Variants in GRIN2A observed in about 807,000 individuals in gnomAD.
GRIN2A encodes glutamate receptor ionotropic, NMDA 2A.
A neutral mutation model predicts 113.4 loss-of-function variants in GRIN2A; 22 were observed. That is an observed-to-expected ratio of 0.19 (90% CI 0.14 to 0.28). The LOEUF (loss-of-function observed/expected upper bound fraction) is 0.28. Among genes scored for constraint, GRIN2A ranks in the 10% least tolerant of loss-of-function variants. GRIN2A has a pLI of 1.00. For synonymous variants in GRIN2A, 827 were observed against 738.4 expected, an observed-to-expected ratio of 1.12 and a Z score of -1.94; for missense variants, 1,502 against 1,887.0, an observed-to-expected ratio of 0.80 and a Z score of 3.78.
chr16:9,973,728 A>C (rs1222213324), intron 2 of GRIN2A, among the ~76,000 whole-genome samples: 1 of 152,184 alleles, frequency 6.6e-6, no homozygotes, highest in East Asian at 1.9e-4. Context: ...TCACAGACTT[A>C]AGATTAGAAA....
At chr16:9,859,206 T>C (rs75773623) in intron 4 of GRIN2A, among the ~76,000 whole-genome samples, 1,806 of 150,558 alleles carry the variant, frequency 0.012, 53 homozygotes, top group African/African-American at 0.042. Context: ...CACACACACA[T>C]CTGCCTTTGC....
chr16:10,180,458 C>T lies in GRIN2A; in HGVS notation c.-18-29G>A, dbSNP rs2050245715. 1.3e-6 allele frequency: 2 copies of T among 1,584,246 alleles called. No individual in the cohort carries two copies. Among genetic ancestry groups the T allele is most frequent in the East Asian group, 2.3e-5 (1 of 44,224 alleles). The stretch of plus-strand genomic sequence containing the variant: ...CAAGGTGAAGAGTGAGAGGCAGGGC[C>T]GCGGTGAGCAAGGCGACCAGAAGAA... On this transcript the variant is annotated intron_variant, in intron 1 of 12. Coordinates refer to ENST00000330684, the MANE Select transcript of GRIN2A (RefSeq NM_001134407.3). This position sits in a 1 kb window ranked among gnomAD's most constrained non-coding sequence, Gnocchi z 7.0.
chr16:10,005,543 G>GTCCA (rs2046391458), intron 2 of GRIN2A, among the ~76,000 whole-genome samples: 2 of 152,210 alleles, frequency 1.3e-5, no homozygotes, highest in Admixed American at 6.5e-5. Context: ...GGTAAACTGG[G>GTCCA]GGGGTCCACG....
At chr16:10,048,686 G>A (rs1000560455) in intron 2 of GRIN2A, among the ~76,000 whole-genome samples, 10 of 152,252 alleles carry the variant, frequency 6.6e-5, no homozygotes, top group Non-Finnish European at 1.2e-4. Flanking sequence ...AGCATTCCTC[G>A]GGCTGTTGAA....
intron 10 of GRIN2A, among the ~76,000 whole-genome samples, chr16:9,803,537 G>A (rs890136253): frequency 6.6e-6 from 1 of 152,182 alleles, no homozygotes; most frequent in Non-Finnish European, 1.5e-5. Context: ...ACAAATGCTC[G>A]AAACACATAA....
At chr16:10,088,543 T>C (rs538396528) in intron 2 of GRIN2A, among the ~76,000 whole-genome samples, 31 of 152,356 alleles carry the variant, frequency 2.0e-4, no homozygotes, top group African/African-American at 7.0e-4. Context: ...CGTCTGATCC[T>C]GGGGCCGCGG....
intron 2 of GRIN2A, among the ~76,000 whole-genome samples, chr16:10,116,339 G>A (rs995667161): frequency 6.6e-6 from 1 of 152,196 alleles, no homozygotes; most frequent in Non-Finnish European, 1.5e-5. Context: ...GAGAGCATCA[G>A]GATAAATAGC....
intron 2 of GRIN2A, among the ~76,000 whole-genome samples, chr16:10,164,130 G>A (rs991563233): frequency 3.3e-5 from 5 of 152,166 alleles, no homozygotes; most frequent in African/African-American, 1.2e-4. Context: ...GTGCATGATG[G>A]CTCTCTCCGG....
Position 9,802,664 on chromosome 16 carries a change from G to A in GRIN2A, c.2169-4200C>T, listed in dbSNP as rs147313071. Among the ~76,000 whole-genome samples, 62 of 152,198 alleles carry A rather than the reference G, an allele frequency of 4.1e-4. 1 individual carries two copies. The highest frequency in any genetic ancestry group is 1.3e-3 in the African/African-American group (54 of 41,506). ...GTTCAGAAAGCCTAAGGCAGCCTGG[G>A]GCTTGTTGGTGATATTTCCAGACTT... On this transcript the variant is annotated intron_variant, in intron 10 of 12. Coordinates refer to ENST00000330684, the MANE Select transcript of GRIN2A (RefSeq NM_001134407.3).
At chr16:10,162,759 C>G (rs1274510511) in intron 2 of GRIN2A, among the ~76,000 whole-genome samples, 1 of 152,168 alleles carries the variant, frequency 6.6e-6, no homozygotes, top group African/African-American at 2.4e-5. Flanking sequence ...TAGGGAGATA[C>G]AATTCAGTGC....
chr16:9,995,756 A>G (rs1265631009), intron 2 of GRIN2A, among the ~76,000 whole-genome samples: 1 of 152,118 alleles, frequency 6.6e-6, no homozygotes, highest in Non-Finnish European at 1.5e-5. Context: ...GGGTCCCCCT[A>G]TATCCTCAGT....
chr16:9,807,200 A>G (rs1029231298), intron 10 of GRIN2A, among the ~76,000 whole-genome samples: 11 of 120,124 alleles, frequency 9.2e-5, no homozygotes. Flanking sequence ...AGAGAGAGAG[A>G]GGGAGATGGA....
At chr16:10,130,660 T>G (rs939713769) in intron 2 of GRIN2A, among the ~76,000 whole-genome samples, 3 of 152,224 alleles carry the variant, frequency 2.0e-5, no homozygotes, top group Non-Finnish European at 4.4e-5. Context: ...GATGGAATGT[T>G]GAGGATCTAA....
intron 2 of GRIN2A, among the ~76,000 whole-genome samples, chr16:10,029,280 C>T (rs922715328): frequency 1.3e-5 from 2 of 152,112 alleles, no homozygotes; most frequent in Non-Finnish European, 2.9e-5. Context: ...CCGCAACCTC[C>T]GCCTTCCAGG....
At chr16:10,114,553 C>T (rs1165203008) in intron 2 of GRIN2A, among the ~76,000 whole-genome samples, 1 of 152,190 alleles carries the variant, frequency 6.6e-6, no homozygotes, top group African/African-American at 2.4e-5. Context: ...CAGAAACCCG[C>T]AGGCACCGGT....
At chr16:9,864,168 G>A (rs747956223) in intron 4 of GRIN2A, among the ~76,000 whole-genome samples, 4 of 152,188 alleles carry the variant, frequency 2.6e-5, no homozygotes, top group Admixed American at 1.3e-4. Flanking sequence ...ACATCCAATT[G>A]TAAAATAAAT....
chr16:10,093,466 T>C (rs921863965), intron 2 of GRIN2A, among the ~76,000 whole-genome samples: 3 of 152,180 alleles, frequency 2.0e-5, no homozygotes, highest in Admixed American at 1.3e-4. Flanking sequence ...ATACAGTTAA[T>C]CTACAGCATC....
At chr16:10,148,649 A>C (rs2049497169) in intron 2 of GRIN2A, among the ~76,000 whole-genome samples, 1 of 152,194 alleles carries the variant, frequency 6.6e-6, no homozygotes, top group East Asian at 1.9e-4. Context: ...TCCATCCAGC[A>C]CGTTAACTAT....
At chr16:10,115,942 C>A (rs2048721882) in intron 2 of GRIN2A, among the ~76,000 whole-genome samples, 1 of 152,196 alleles carries the variant, frequency 6.6e-6, no homozygotes, top group Admixed American at 6.5e-5. Flanking sequence ...CCAGAAATAC[C>A]ATTTGACCCA....
Sources: allele counts gnomAD v4.1 joint callset (sites outside exome capture counted in the v4.1 genomes callset), GRCh38; gene constraint gnomAD v4.1.1; non-coding constraint Gnocchi (gnomAD v3.1); transcripts MANE v1.5; gene names NCBI Gene and HGNC (gene_info 2026-07-23, HGNC 2026-07-21).